USP18: variants seen among roughly 807,000 people sequenced by gnomAD.
The protein encoded by USP18 is ubiquitin specific peptidase 18, also known as ubl carboxyl-terminal hydrolase 18.
In USP18, 11 loss-of-function variants were observed where a neutral mutation model predicts 48.7. That is an observed-to-expected ratio of 0.23 (90% confidence interval 0.14 to 0.37). USP18 has a LOEUF of 0.37. USP18 is among the 10% of genes least tolerant of loss of function. The pLI is 1.00. For synonymous variants in USP18, 114 were observed against 163.2 expected, an observed-to-expected ratio of 0.70 and a Z score of 2.30; for missense variants, 285 against 436.4, an observed-to-expected ratio of 0.65 and a Z score of 3.09.
chr22:18,159,516 A>G (rs1929262872), intron 2 of USP18, among the ~76,000 whole-genome samples: 1 of 136,160 alleles, frequency 7.3e-6, no homozygotes, highest in Non-Finnish European at 1.5e-5. Context: ...TTTTTTTTTG[A>G]GACAGAATTC....
intron 2 of USP18, 123 bp downstream of exon 2, chr22:18,157,943 G>T: frequency 7.4e-7 from 1 of 1,348,574 alleles, no homozygotes; most frequent in Admixed American, 2.3e-5. Context: ...CTGAGTTTCT[G>T]CATCTTTTAG....
At chr22:18,153,918 A>T (rs373010994) in intron 1 of USP18, among the ~76,000 whole-genome samples, 1 of 152,074 alleles carries the variant, frequency 6.6e-6, no homozygotes, top group Admixed American at 6.6e-5. Flanking sequence ...GCTGAATAAC[A>T]TCCCATTTTG....
Position 18,161,859 on chromosome 22 carries a change from G to A in USP18, c.324G>A (p.Glu108=). 6.2e-7 allele frequency: 1 copy of A among 1,613,828 alleles called. No homozygotes were observed. The highest frequency in any genetic ancestry group is 8.5e-7 in the Non-Finnish European group (1 of 1,179,942). ...SVPFQMLLLL[E]KMQDSRQKAV... ...CTTTCCAGATGCTTCTGCTGCTGGA[G>A]AAGATGCAGGACAGCCGGCAGAAAG... The change falls in exon 4 of 11, where the codon GAG becomes GAA. Residue 108 remains glutamate, a synonymous_variant. Transcript: ENST00000215794.
At chr22:18,154,932 G>A (rs1318656432) in intron 1 of USP18, among the ~76,000 whole-genome samples, 1 of 152,222 alleles carries the variant, frequency 6.6e-6, no homozygotes, top group Non-Finnish European at 1.5e-5. Flanking sequence ...TAGGAGATTA[G>A]GGAGAGGCTG....
At position 18,173,199 on chromosome 22, in the gene USP18, C is replaced by T; in HGVS notation, c.941C>T (p.Ala314Val). 10 of 1,610,896 alleles carry T rather than the reference C, an allele frequency of 6.2e-6. No individual in the cohort carries two copies. Among genetic ancestry groups the T allele is most frequent in the Non-Finnish European group, 7.6e-6 (9 of 1,178,202 alleles). The change falls in exon 9 of 11, where the codon GCA becomes GTA. Residue 314 changes from alanine to valine, a missense_variant. Transcript: ENST00000215794. ...GCTGTGATTGCGCACGTGGGAATGG[C>T]AGACTCCGGTCATTACTGTGTCTAC... The part of the protein sequence containing the change: ...LFAVIAHVGM[A>V]DSGHYCVYIR...
intron 3 of USP18, among the ~76,000 whole-genome samples, chr22:18,161,214 T>C (rs1481062263): frequency 6.7e-6 from 1 of 149,048 alleles, no homozygotes; most frequent in Admixed American, 6.7e-5. Flanking sequence ...CACCCCTCCT[T>C]CCACCAACAC....
At chr22:18,172,290 A>T (rs540841462) in intron 8 of USP18, among the ~76,000 whole-genome samples, 5 of 152,334 alleles carry the variant, frequency 3.3e-5, no homozygotes, top group Admixed American at 1.3e-4. Flanking sequence ...CAAATCCCAG[A>T]CATCATACTA....
intron 1 of USP18, among the ~76,000 whole-genome samples, chr22:18,156,045 A>C (rs1929127465): frequency 6.6e-6 from 1 of 152,246 alleles, no homozygotes; most frequent in African/African-American, 2.4e-5. Flanking sequence ...GTTTGTAAAC[A>C]CACCAATCAG....
intron 4 of USP18, among the ~76,000 whole-genome samples, chr22:18,162,661 G>A (rs1015509342): frequency 6.0e-5 from 9 of 150,142 alleles, no homozygotes; most frequent in East Asian, 1.9e-4. Flanking sequence ...ATAGGTATGC[G>A]TTGCTTACCA....
Position 18,167,928 on chromosome 22 carries a change from G to A in USP18, c.519G>A (p.Lys173=). The change falls in exon 6 of 11, where the codon AAG becomes AAA. Residue 173 remains lysine (K), a synonymous_variant. Coordinates refer to ENST00000215794, the MANE Select transcript of USP18 (RefSeq NM_017414.4). ...AGGCCCTGTATACGATCCGGGTGAA[G>A]GACTCCTTGATTTGCGTTGACTGTG... ...RLQALYTIRV[K]DSLICVDCAM... 1.9e-6 allele frequency: 3 copies of A among 1,613,962 alleles called. No individual in the cohort carries two copies. Among genetic ancestry groups the A allele is most frequent in the Non-Finnish European group, 2.5e-6 (3 of 1,180,006 alleles).
Position 18,170,619 on chromosome 22 carries a change from C to A in USP18, c.724-134C>A, listed in dbSNP as rs2241232. On this transcript the variant is annotated intron_variant, in intron 7 of 10. Coordinates refer to ENST00000215794, the MANE Select transcript of USP18 (RefSeq NM_017414.4). ...TCTCAGAGGAGCTCAGCAGATTCGG[C>A]GAACAGGAGCCTTGAACTCCGTGAT... 835 of 1,179,878 alleles carry A rather than the reference C, an allele frequency of 7.1e-4. 175 individuals are homozygous for A. The highest frequency in any genetic ancestry group is 9.0e-4 in the Non-Finnish European group (785 of 876,566). The allele number at this position is 1,179,878 out of a possible 1,614,324, so 73.1% of individuals were successfully genotyped here. A position where few individuals can be genotyped will look rare whatever the true frequency, so the allele number is the denominator to read the frequency against.
At chr22:18,167,406 G>C in intron 5 of USP18, 72 bp downstream of exon 5, 2 of 1,563,752 alleles carry the variant, frequency 1.3e-6, no homozygotes, top group Non-Finnish European at 8.8e-7. Flanking sequence ...TGTTGTTCCC[G>C]TAGTGTGTAG....
intron 1 of USP18, among the ~76,000 whole-genome samples, chr22:18,153,658 GA>G (rs1366831234): frequency 6.6e-6 from 1 of 151,944 alleles, no homozygotes. Context: ...ATGTTGCCTA[GA>G]CTGGTCTTGA....
chr22:18,157,548 A>C lies in USP18; in HGVS notation c.-106-10A>C, dbSNP rs1929195138. On this transcript the variant is annotated splice_polypyrimidine_tract_variant and intron_variant, in intron 1 of 10. Transcript: ENST00000215794. Reference sequence around the variant, plus strand: ...TCTAATTCTTGCCTACCCGCATTGTATTTTCACAGAGATTCCATCGTGCCT... The same window carrying C: ...TCTAATTCTTGCCTACCCGCATTGTCTTTTCACAGAGATTCCATCGTGCCT... The C allele has an allele frequency of 2.2e-6, 3 of 1,387,328 alleles. No homozygotes were observed. Among genetic ancestry groups the C allele is most frequent in the Middle Eastern group, 2.1e-4 (1 of 4,822 alleles). 85.9% of individuals were successfully genotyped at this position (1,387,328 alleles called of 1,614,324 possible). A position where few individuals can be genotyped will look rare whatever the true frequency, so the allele number is the denominator to read the frequency against.
At chr22:18,175,976 C>T (rs1406248727) in intron 10 of USP18, among the ~76,000 whole-genome samples, 8 of 139,376 alleles carry the variant, frequency 5.7e-5, no homozygotes, top group East Asian at 4.1e-4. Context: ...AGAGCAAGAA[C>T]GGTCTCGTCA....
chr22:18,160,430 C>T (rs1265514452), intron 3 of USP18, among the ~76,000 whole-genome samples, 162 bp downstream of exon 3: 6 of 151,992 alleles, frequency 3.9e-5, no homozygotes, highest in Non-Finnish European at 7.4e-5. Flanking sequence ...TTCAGTCTCC[C>T]GAGTAGCTGG....
intron 6 of USP18, 126 bp from the exon 7 acceptor site, chr22:18,169,718 A>G: frequency 1.7e-6 from 2 of 1,194,728 alleles, no homozygotes; most frequent in Non-Finnish European, 2.3e-6. Flanking sequence ...GGGCCAATCA[A>G]ACTTCTTTTC....
chr22:18,173,717 G>A, intron 9 of USP18, 76 bp from the exon 10 acceptor site: 11 of 1,593,792 alleles, frequency 6.9e-6, no homozygotes, highest in Non-Finnish European at 8.6e-6. Flanking sequence ...AGGATGAGGG[G>A]CACATTATAG....
rs536494022 is a variant in USP18, at chr22:18,158,933, A to G, written c.157+1113A>G. On this transcript the variant is annotated intron_variant, in intron 2 of 10. Coordinates refer to ENST00000215794, the MANE Select transcript of USP18 (RefSeq NM_017414.4). ...CCATATTCTCAGTTATGCTTTCTCT[A>G]ATGTTTTTTTTTCTCTCCCAACAAT... 2.0e-5 allele frequency among the ~76,000 whole-genome samples: 3 copies of G among 149,168 alleles called. No individual in the cohort carries two copies. The East Asian group carries it at 5.8e-4, about 29-fold the overall frequency.
Sources: allele counts gnomAD v4.1 joint callset (sites outside exome capture counted in the v4.1 genomes callset), GRCh38; gene constraint gnomAD v4.1.1; transcripts MANE v1.5; gene names NCBI Gene and HGNC (gene_info 2026-07-23, HGNC 2026-07-21).